Variants in CES1 observed in about 807,000 individuals in gnomAD.
The protein encoded by CES1 is liver carboxylesterase 1.
Under a neutral mutation model 53.0 loss-of-function variants are expected in CES1, and 50 were observed. The ratio of observed to expected loss-of-function variants is 0.94; its 90% CI spans 0.75 to 1.19. The LOEUF is 1.19. Ranked by LOEUF, CES1 falls within the 50% of genes most tolerant of loss-of-function variation. The pLI is 0.00. For missense variants in CES1, 534 were observed against 538.0 expected (o/e 0.99, Z 0.07); for synonymous variants, 202 against 210.1 (o/e 0.96, Z 0.33).
chr16:55,809,437 C>T (rs1322888639), intron 11 of CES1, among the ~76,000 whole-genome samples: 1 of 152,212 alleles, frequency 6.6e-6, no homozygotes, highest in Non-Finnish European at 1.5e-5. Flanking sequence ...AGAGAGAGGA[C>T]ATTTCCTAGC....
rs779446001 is a variant in CES1 at position 55,828,907 on chromosome 16, G to C, written c.120C>G (p.Ser40Arg). The stretch of plus-strand genomic sequence containing the variant: ...CCACAGGCTGTGCAAATCCTTCTAA[G>C]CTGACGAACTTCCCCAGCACTTTGC... The part of the protein sequence containing the change: ...VHGKVLGKFV[S>R]LEGFAQPVAI... The change falls in exon 2 of 14, where the codon AGC becomes AGG. Residue 40 changes from serine to arginine, a missense_variant. This residue lies in a region of CES1 where 164 missense variants were observed against 162.4 expected (regional missense o/e 1.01). Transcript: ENST00000360526. The C allele has an allele frequency of 1.2e-6, 2 of 1,614,174 alleles. No homozygotes were observed. The highest frequency in any genetic ancestry group is 2.2e-5 in the East Asian group (1 of 44,894).
intron 1 of CES1, among the ~76,000 whole-genome samples, chr16:55,830,586 T>A (rs2032599307): frequency 1.3e-5 from 2 of 152,162 alleles, no homozygotes; most frequent in South Asian, 4.1e-4. Context: ...GCAGATCATT[T>A]GAGGTCAGGA....
chr16:55,817,486 C>T (rs530317437), intron 7 of CES1, among the ~76,000 whole-genome samples: 108 of 152,336 alleles, frequency 7.1e-4, no homozygotes, highest in African/African-American at 2.5e-3. Flanking sequence ...CCCTGACTCA[C>T]GCAAGCTCAC....
intron 1 of CES1, among the ~76,000 whole-genome samples, chr16:55,830,299 T>C (rs1449665894): frequency 2.6e-5 from 4 of 152,298 alleles, no homozygotes; most frequent in African/African-American, 9.6e-5. Flanking sequence ...CAAATAATAC[T>C]GAGATGAACT....
intron 5 of CES1, 149 bp from the exon 6 acceptor site, chr16:55,820,628 G>A (rs2032138909): frequency 7.3e-7 from 1 of 1,364,846 alleles, no homozygotes. Flanking sequence ...ACCTCAAGGA[G>A]GTGGAAGTCT....
chr16:55,810,285 G>A (rs1421754140), intron 11 of CES1, among the ~76,000 whole-genome samples: 3 of 151,968 alleles, frequency 2.0e-5, no homozygotes, highest in East Asian at 1.9e-4. Flanking sequence ...CCCTACTGCT[G>A]TTATCTGGGA....
At chr16:55,829,063 C>T in intron 1 of CES1, 89 bp from the exon 2 acceptor site, 1 of 1,420,894 alleles carries the variant, frequency 7.0e-7, no homozygotes, top group Non-Finnish European at 9.7e-7. Context: ...AAGTGAGTGA[C>T]CTTAAATAAG....
rs373053932 is a variant in CES1, at chr16:55,810,674, A to C, written c.1171-10T>G. The C allele has an allele frequency of 6.2e-7, 1 of 1,614,096 alleles. No homozygotes were observed. The highest frequency in any genetic ancestry group is 1.7e-5 in the Admixed American group (1 of 60,028). On this transcript the variant is annotated splice_polypyrimidine_tract_variant and intron_variant, in intron 10 of 13. Transcript: ENST00000360526. ...GTTCCTTAGCAATGCACTGAAATAG[A>C]TCAAAAAGTGACCACCAGCCCCGGG...
chr16:55,827,503 G>A (rs529475442), intron 2 of CES1, among the ~76,000 whole-genome samples: 44 of 152,056 alleles, frequency 2.9e-4, no homozygotes, highest in South Asian at 6.2e-4. Context: ...GAGTGTAGTT[G>A]GAATATTTTG....
At chr16:55,820,828 G>A (rs2032152167) in intron 5 of CES1, among the ~76,000 whole-genome samples, 1 of 151,898 alleles carries the variant, frequency 6.6e-6, no homozygotes, top group Admixed American at 6.6e-5. Flanking sequence ...TAGCCCACTG[G>A]ACCCCACAGT....
At chr16:55,815,783 T>C (rs1296291917) in intron 8 of CES1, among the ~76,000 whole-genome samples, 4 of 152,160 alleles carry the variant, frequency 2.6e-5, no homozygotes, top group Non-Finnish European at 5.9e-5. Flanking sequence ...TTTCCTACAG[T>C]CTATTTGAAC....
chr16:55,832,293 GTCCCCC>G (rs1353299662), intron 1 of CES1, among the ~76,000 whole-genome samples: 13 of 152,172 alleles, frequency 8.5e-5, no homozygotes, highest in Non-Finnish European at 1.6e-4. Flanking sequence ...GCGCACTGGT[GTCCCCC>G]TCCTGTTGAG....
At chr16:55,822,040 C>T (rs1352345557) in intron 4 of CES1, among the ~76,000 whole-genome samples, 2 of 152,140 alleles carry the variant, frequency 1.3e-5, no homozygotes, top group African/African-American at 2.4e-5. Flanking sequence ...TGTAAATATC[C>T]AAAGAAAGGA....
intron 1 of CES1, among the ~76,000 whole-genome samples, chr16:55,831,219 G>C (rs1338572777): frequency 6.6e-6 from 1 of 151,398 alleles, no homozygotes; most frequent in Non-Finnish European, 1.5e-5. Flanking sequence ...ATCAGAATAG[G>C]GGAGAGAGAA....
At chr16:55,815,329 G>A (rs1281094581) in intron 8 of CES1, among the ~76,000 whole-genome samples, 12 of 152,134 alleles carry the variant, frequency 7.9e-5, no homozygotes, top group Admixed American at 5.2e-4. Context: ...AAGAAGTGGG[G>A]GTGACGTGCT....
At chr16:55,811,579 C>A (rs1267390703) in intron 9 of CES1, among the ~76,000 whole-genome samples, 1 of 152,198 alleles carries the variant, frequency 6.6e-6, no homozygotes, top group Non-Finnish European at 1.5e-5. Context: ...TTGCTTCTAG[C>A]AGCTTAAGGC....
At position 55,828,519 on chromosome 16, in the gene CES1, C is replaced by G. The variant is rs1329019991; in HGVS notation, c.260+248G>C. Among the ~76,000 whole-genome samples the G allele has an allele frequency of 5.3e-5, 8 of 152,094 alleles. 1 individual carries two copies. The highest frequency in any genetic ancestry group is 1.3e-4 in the Admixed American group (2 of 15,282). ...CTGCTAGAATGCACGCTCCAGGAACCTAGGGATCTTTGCTTTTTCACTAAT... is the reference window on the plus strand; with the variant it reads ...CTGCTAGAATGCACGCTCCAGGAACGTAGGGATCTTTGCTTTTTCACTAAT... On this transcript the variant is annotated intron_variant, in intron 2 of 13. Coordinates refer to ENST00000360526, the MANE Select transcript of CES1 (RefSeq NM_001025195.2).
chr16:55,830,648 G>C (rs28522712), intron 1 of CES1, among the ~76,000 whole-genome samples: 89,902 of 150,596 alleles, frequency 0.6, 27,447 homozygotes, highest in Non-Finnish European at 0.68. Context: ...ACTGAAAATA[G>C]AAAAATTAGC....
chr16:55,808,738 T>G (rs1300577695), intron 11 of CES1, among the ~76,000 whole-genome samples: 2 of 152,148 alleles, frequency 1.3e-5, no homozygotes, highest in African/African-American at 4.8e-5. Context: ...TAATAGGATA[T>G]GAATATTAAA....
Sources: gnomAD v4.1 joint callset for allele counts (sites outside exome capture counted in the v4.1 genomes callset) on GRCh38, gnomAD v4.1.1 for gene constraint, gnomAD v4.1.1 regional missense constraint, MANE v1.5 for transcripts, NCBI Gene and HGNC (gene_info 2026-07-23, HGNC 2026-07-21) for gene names.